Variants in WDR41 observed in about 807,000 individuals in gnomAD.
WDR41 encodes WD repeat-containing protein 41.
WDR41 carries 63 observed loss-of-function variants against 69.3 expected under a neutral mutation model. That is an observed-to-expected ratio of 0.91 (90% CI 0.74 to 1.12). WDR41 has a LOEUF of 1.12. Ranked by LOEUF, WDR41 falls within the 50% of genes most tolerant of loss-of-function variation. The pLI is 0.00. For missense variants in WDR41, 543 were observed against 534.5 expected (o/e 1.02, Z -0.16); for synonymous variants, 185 against 192.1 (o/e 0.96, Z 0.31).
chr5:77,573,343 A>G (rs759458347), intron 1 of WDR41, among the ~76,000 whole-genome samples: 10 of 152,174 alleles, frequency 6.6e-5, no homozygotes, highest in Non-Finnish European at 1.3e-4. Context: ...ATAGGTATAC[A>G]TGTGCCGTGG....
chr5:77,549,108 A>G (rs1043709045), intron 1 of WDR41, among the ~76,000 whole-genome samples: 1 of 151,788 alleles, frequency 6.6e-6, no homozygotes, highest in African/African-American at 2.4e-5. Context: ...TAAGAATGAC[A>G]CAATGGACTT....
At chr5:77,550,439 T>C (rs80095524) in intron 1 of WDR41, among the ~76,000 whole-genome samples, 5,622 of 152,080 alleles carry the variant, frequency 0.037, 140 homozygotes, top group Middle Eastern at 0.1. Flanking sequence ...GCAAAAGACA[T>C]GAACAGACAC....
chr5:77,591,208 C>T (rs917074732), intron 1 of WDR41, among the ~76,000 whole-genome samples: 10 of 152,034 alleles, frequency 6.6e-5, no homozygotes, highest in Non-Finnish European at 1.5e-4. Context: ...TATATAACAT[C>T]CTCCTTATTG....
At chr5:77,483,942 G>C (rs543653096) in intron 2 of WDR41, among the ~76,000 whole-genome samples, 1 of 152,264 alleles carries the variant, frequency 6.6e-6, no homozygotes, top group Admixed American at 6.5e-5. Flanking sequence ...CTATGCTCAA[G>C]TTGCCAGATG....
At chr5:77,474,950 T>C (rs1190188858) in intron 2 of WDR41, among the ~76,000 whole-genome samples, 2 of 152,170 alleles carry the variant, frequency 1.3e-5, no homozygotes, top group Non-Finnish European at 2.9e-5. Context: ...CGCAGGTCAG[T>C]GGGTGCGTGC....
At chr5:77,532,705 A>C (rs1239828774) in intron 1 of WDR41, among the ~76,000 whole-genome samples, 4 of 152,184 alleles carry the variant, frequency 2.6e-5, no homozygotes. Flanking sequence ...AGAAAGACTC[A>C]AAAGAACATA....
chr5:77,596,310 G>C (rs964022779), intron 1 of WDR41, among the ~76,000 whole-genome samples: 8 of 152,060 alleles, frequency 5.3e-5, no homozygotes, highest in Non-Finnish European at 8.8e-5. Flanking sequence ...ACCACCCCCA[G>C]CTAAGTTTTG....
chr5:77,599,164 T>G (rs549604935), intron 1 of WDR41, among the ~76,000 whole-genome samples: 57 of 151,198 alleles, frequency 3.8e-4, no homozygotes, highest in African/African-American at 1.4e-3. Context: ...ACTCCATGCA[T>G]TTACAATGGT....
intron 1 of WDR41, among the ~76,000 whole-genome samples, chr5:77,578,385 A>G (rs1225286809): frequency 1.3e-5 from 2 of 152,202 alleles, no homozygotes; most frequent in Non-Finnish European, 2.9e-5. Context: ...AGGGCAGTTT[A>G]GTATCCATAG....
rs942596055 is a variant in WDR41 at position 77,441,692 on chromosome 5, C to T, written c.698-695G>A. ...CGCAGAGGTCGCAGTGAGCTGAGAT[C>T]GCGCCACTGCACTCCAGCCTGGGCA... On this transcript the variant is annotated intron_variant, in intron 8 of 12. Coordinates refer to ENST00000296679, the MANE Select transcript of WDR41 (RefSeq NM_018268.4). Among the ~76,000 whole-genome samples, 6 of 151,868 alleles carry T rather than the reference C, an allele frequency of 4.0e-5. 1 individual carries two copies. The highest frequency in any genetic ancestry group is 3.3e-4 in the Admixed American group (5 of 15,238).
intron 1 of WDR41, among the ~76,000 whole-genome samples, chr5:77,608,970 C>A (rs933253616): frequency 6.6e-6 from 1 of 152,166 alleles, no homozygotes; most frequent in African/African-American, 2.4e-5. Context: ...GCTTTTCCGA[C>A]GGGCTTAAAA....
At position 77,556,684 on chromosome 5, in the gene WDR41, G is replaced by C. The variant is rs150639349; in HGVS notation, c.42+63795C>G. On this transcript the variant is annotated intron_variant, in intron 1 of 5. Transcript: ENST00000509971. ...TATTTTTGTGGTTGCCCCATGAAAGGTGAGCTCAATGCCCCCATCCAAAAC... is the reference window on the plus strand; with the variant it reads ...TATTTTTGTGGTTGCCCCATGAAAGCTGAGCTCAATGCCCCCATCCAAAAC... Among the ~76,000 whole-genome samples the C allele has an allele frequency of 3.4e-3, 518 of 152,304 alleles. 1 individual carries two copies. Among genetic ancestry groups the C allele is most frequent in the African/African-American group, 0.012 (488 of 41,554 alleles).
At chr5:77,601,769 G>A (rs1006972550) in intron 1 of WDR41, among the ~76,000 whole-genome samples, 23 of 152,242 alleles carry the variant, frequency 1.5e-4, no homozygotes, top group Middle Eastern at 3.4e-3. Context: ...TTCCTCCCCA[G>A]TTCCTTTTCC....
At chr5:77,546,739 T>C (rs969380650) in intron 1 of WDR41, among the ~76,000 whole-genome samples, 2 of 151,970 alleles carry the variant, frequency 1.3e-5, no homozygotes, top group African/African-American at 2.4e-5. Context: ...TTCCACAAGA[T>C]AGAGAAAGAG....
At chr5:77,581,357 C>T (rs536943120) in intron 1 of WDR41, among the ~76,000 whole-genome samples, 1 of 152,210 alleles carries the variant, frequency 6.6e-6, no homozygotes, top group South Asian at 2.1e-4. Context: ...GTGCATAAAG[C>T]AAAAACTGAC....
At chr5:77,603,236 C>G (rs575551001) in intron 1 of WDR41, among the ~76,000 whole-genome samples, 115 of 152,162 alleles carry the variant, frequency 7.6e-4, no homozygotes, top group South Asian at 1.9e-3. Context: ...GCGCCCAGCC[C>G]TTGTCTTTTT....
intron 1 of WDR41, among the ~76,000 whole-genome samples, chr5:77,599,197 C>CT (rs34759217): frequency 0.26 from 20,152 of 76,438 alleles, 3,720 homozygotes; most frequent in Non-Finnish European, 0.32. Flanking sequence ...ATCGGAAGCT[C>CT]TTTTTTTTTT....
At chr5:77,481,335 G>C (rs1301377218) in intron 2 of WDR41, among the ~76,000 whole-genome samples, 2 of 152,050 alleles carry the variant, frequency 1.3e-5, no homozygotes, top group African/African-American at 2.4e-5. Context: ...AGATTCATCT[G>C]TTCACAGAGA....
At chr5:77,474,770 T>A (rs904901841) in intron 2 of WDR41, among the ~76,000 whole-genome samples, 4 of 152,122 alleles carry the variant, frequency 2.6e-5, no homozygotes, top group Non-Finnish European at 4.4e-5. Flanking sequence ...AAATCACAGA[T>A]AGAAAGCTAA....
Sources: allele counts gnomAD v4.1 joint callset (sites outside exome capture counted in the v4.1 genomes callset), GRCh38; gene constraint gnomAD v4.1.1; transcripts MANE v1.5; gene names NCBI Gene and HGNC (gene_info 2026-07-23, HGNC 2026-07-21).